Variants in SDK1 observed in about 807,000 individuals in gnomAD.
SDK1 encodes the protein protein sidekick-1.
A neutral mutation model predicts 245.5 loss-of-function variants in SDK1; 157 were observed. That is an observed-to-expected ratio of 0.64 (90% CI 0.56 to 0.73). The LOEUF (loss-of-function observed/expected upper bound fraction) is 0.73. Ranked by LOEUF, SDK1 falls within the 30% of genes least tolerant of loss-of-function variation. The pLI is 0.00. For synonymous variants in SDK1, 1,647 were observed against 1,278.5 expected, an observed-to-expected ratio of 1.29 and a Z score of -6.15; for missense variants, 3,583 against 3,002.3, an observed-to-expected ratio of 1.19 and a Z score of -4.52.
At position 3,305,227 on chromosome 7, in the gene SDK1, A is replaced by G. The variant is rs377026182; in HGVS notation, c.298+3343A>G. ...AGGTGTACATCGGAATCACTGGTGAAAATTTAAAATACAGTTATCTGGACT... is the reference window on the plus strand; with the variant it reads ...AGGTGTACATCGGAATCACTGGTGAGAATTTAAAATACAGTTATCTGGACT... On this transcript the variant is annotated intron_variant, in intron 1 of 44. Coordinates refer to ENST00000404826, the MANE Select transcript of SDK1 (RefSeq NM_152744.4). Among the ~76,000 whole-genome samples the G allele has an allele frequency of 6.6e-5, 10 of 152,230 alleles. No individual in the cohort carries two copies. The East Asian group carries it at 1.2e-3, about 18-fold the overall frequency.
At chr7:4,029,780 C>T (rs183809645) in intron 17 of SDK1, among the ~76,000 whole-genome samples, 3 of 152,246 alleles carry the variant, frequency 2.0e-5, no homozygotes, top group Admixed American at 2.0e-4. Context: ...GCATCCCTGT[C>T]AAATATGCAG....
chr7:4,066,252 G>A (rs993069734), intron 19 of SDK1, among the ~76,000 whole-genome samples: 1 of 151,952 alleles, frequency 6.6e-6, no homozygotes, highest in East Asian at 1.9e-4. Flanking sequence ...GGGTAGGCAT[G>A]GGGGCATTGT....
intron 16 of SDK1, among the ~76,000 whole-genome samples, chr7:4,013,066 T>G (rs985683053): frequency 4.6e-5 from 7 of 152,202 alleles, no homozygotes; most frequent in African/African-American, 1.7e-4. Context: ...AACTTTTAGA[T>G]GTTGGAAATG....
intron 1 of SDK1, among the ~76,000 whole-genome samples, chr7:3,415,299 T>A (rs7808934): frequency 6.6e-6 from 1 of 152,004 alleles, no homozygotes; most frequent in Admixed American, 6.6e-5. Context: ...GACACATAAA[T>A]GTGTCAGGAG....
intron 28 of SDK1, among the ~76,000 whole-genome samples, chr7:4,138,890 C>T (rs1277740547): frequency 1.3e-5 from 2 of 152,230 alleles, no homozygotes; most frequent in African/African-American, 4.8e-5. Context: ...GACCAGCATA[C>T]CATCACCCCA....
rs144104560 is a variant in SDK1, at chr7:3,747,872, C to T, written c.714-73578C>T. 1.5e-3 allele frequency among the ~76,000 whole-genome samples: 232 copies of T among 152,036 alleles called. 2 individuals carry two copies. Among genetic ancestry groups the T allele is most frequent in the African/African-American group, 5.1e-3 (211 of 41,480 alleles). Reference sequence around the variant, plus strand: ...AGGCTGGAGCAGAGAGAGGACATGACGGGGTGAAAGGTAACTCTGGAGATA... The same window carrying T: ...AGGCTGGAGCAGAGAGAGGACATGATGGGGTGAAAGGTAACTCTGGAGATA... On this transcript the variant is annotated intron_variant, in intron 4 of 44. Coordinates refer to ENST00000404826, the MANE Select transcript of SDK1 (RefSeq NM_152744.4).
chr7:3,668,533 T>C (rs753213895), intron 4 of SDK1, among the ~76,000 whole-genome samples: 2 of 152,198 alleles, frequency 1.3e-5, no homozygotes. Context: ...CTCAGCACTT[T>C]GGGAGGCCGA....
chr7:3,845,095 C>T (rs920891770), intron 5 of SDK1, among the ~76,000 whole-genome samples: 2 of 152,116 alleles, frequency 1.3e-5, no homozygotes, highest in Non-Finnish European at 2.9e-5. Flanking sequence ...GCGGAGGTCG[C>T]GAGAGCCAGG....
chr7:3,985,791 G>A (rs1783782839), intron 13 of SDK1, among the ~76,000 whole-genome samples: 1 of 152,178 alleles, frequency 6.6e-6, no homozygotes, highest in African/African-American at 2.4e-5. Context: ...TATAAATGGT[G>A]CGTATGGGTT....
chr7:4,097,946 G>A lies in SDK1; in HGVS notation c.3325-12717G>A, dbSNP rs113927191. On this transcript the variant is annotated intron_variant, in intron 22 of 44. Transcript: ENST00000404826. ...GGTCATCTGGTAAATTTGCCGAAAC[G>A]GGCCTCATTTTTTGTTCTGGTGTAA... Among the ~76,000 whole-genome samples the A allele has an allele frequency of 7.6e-3, 1,148 of 151,760 alleles. 14 individuals carry two copies. Among genetic ancestry groups the A allele is most frequent in the African/African-American group, 0.026 (1,070 of 41,484 alleles).
chr7:4,171,150 G>C, intron 32 of SDK1, among the ~76,000 whole-genome samples: 1 of 152,152 alleles, frequency 6.6e-6, no homozygotes, highest in East Asian at 1.9e-4. Context: ...CTGGAGAAAG[G>C]GGTCAGTGGC....
At chr7:3,847,488 C>G (rs1368368839) in intron 5 of SDK1, among the ~76,000 whole-genome samples, 3 of 152,236 alleles carry the variant, frequency 2.0e-5, no homozygotes, top group African/African-American at 7.2e-5. Context: ...GCCATGGCCA[C>G]AAGAGTAGTA....
chr7:3,994,349 G>A (rs1422165013), intron 14 of SDK1, among the ~76,000 whole-genome samples: 1 of 152,150 alleles, frequency 6.6e-6, no homozygotes, highest in Non-Finnish European at 1.5e-5. Context: ...CCAAGTTAGA[G>A]ATAATGTCCA....
intron 1 of SDK1, among the ~76,000 whole-genome samples, chr7:3,520,734 A>T (rs1215102005): frequency 1.3e-5 from 2 of 152,132 alleles, no homozygotes; most frequent in Non-Finnish European, 1.5e-5. Context: ...TCGATACTTG[A>T]ACCCTTTTAC....
At chr7:3,544,725 A>G (rs1779163255) in intron 1 of SDK1, among the ~76,000 whole-genome samples, 1 of 152,188 alleles carries the variant, frequency 6.6e-6, no homozygotes, top group African/African-American at 2.4e-5. Context: ...CAACCATAAA[A>G]TCAGGAAATC....
intron 28 of SDK1, among the ~76,000 whole-genome samples, chr7:4,140,241 G>C (rs915089619): frequency 6.6e-6 from 1 of 152,088 alleles, no homozygotes; most frequent in Non-Finnish European, 1.5e-5. Flanking sequence ...TCTGGCCCCC[G>C]CTGCATAGCG....
At chr7:3,907,992 T>A (rs1417529154) in intron 5 of SDK1, among the ~76,000 whole-genome samples, 1 of 152,104 alleles carries the variant, frequency 6.6e-6, no homozygotes, top group Non-Finnish European at 1.5e-5. Context: ...GGCTTGGGGG[T>A]GATACTGAAC....
At chr7:3,543,921 T>A (rs1396238899) in intron 1 of SDK1, among the ~76,000 whole-genome samples, 26 of 152,236 alleles carry the variant, frequency 1.7e-4, no homozygotes, top group Admixed American at 1.7e-3. Flanking sequence ...AAATTGTTAC[T>A]GAGATGAGCT....
At chr7:3,438,466 C>T (rs934150621) in intron 1 of SDK1, among the ~76,000 whole-genome samples, 3 of 152,206 alleles carry the variant, frequency 2.0e-5, no homozygotes, top group Non-Finnish European at 4.4e-5. Context: ...GCCGCTATTT[C>T]TGTCTTATCT....
Sources: gnomAD v4.1 joint callset for allele counts (sites outside exome capture counted in the v4.1 genomes callset) on GRCh38, gnomAD v4.1.1 for gene constraint, MANE v1.5 for transcripts, NCBI Gene and HGNC (gene_info 2026-07-23, HGNC 2026-07-21) for gene names.